PLEKHG1: variants seen among roughly 807,000 people sequenced by gnomAD.
PLEKHG1 encodes the protein pleckstrin homology and RhoGEF domain containing G1, also known as pleckstrin homology domain-containing family G member 1.
PLEKHG1 carries 44 observed loss-of-function variants against 100.8 expected under a neutral mutation model. The observed-to-expected ratio is 0.44, with a 90% CI of 0.34 to 0.56. The LOEUF is 0.56. Among genes scored for constraint, PLEKHG1 ranks in the 20% least tolerant of loss-of-function variants. The pLI, the probability that PLEKHG1 is intolerant of heterozygous loss-of-function variation, is 0.01. For synonymous variants in PLEKHG1, 640 were observed against 662.5 expected (o/e 0.97, Z 0.52); for missense variants, 1,545 against 1,720.9 (o/e 0.90, Z 1.81).
chr6:150,772,345 A>G (rs1668656919), intron 3 of PLEKHG1, among the ~76,000 whole-genome samples: 1 of 152,218 alleles, frequency 6.6e-6, no homozygotes, highest in Non-Finnish European at 1.5e-5. Flanking sequence ...TACTATATAT[A>G]CAAGTATTTA....
intron 1 of PLEKHG1, among the ~76,000 whole-genome samples, chr6:150,635,946 CTA>C (rs2128564474): frequency 6.6e-6 from 1 of 152,194 alleles, no homozygotes; most frequent in South Asian, 2.1e-4. Flanking sequence ...GAAAGCAGGA[CTA>C]TGGGCTTTTT....
At chr6:150,755,413 T>TG (rs949434131) in intron 2 of PLEKHG1, among the ~76,000 whole-genome samples, 2 of 152,046 alleles carry the variant, frequency 1.3e-5, no homozygotes, top group African/African-American at 4.8e-5. Flanking sequence ...CAGAGAATGG[T>TG]GGGGGGATAA....
At position 150,779,344 on chromosome 6, in the gene PLEKHG1, G is replaced by GTTTGTTTGTTTTT. The variant is rs1257363893; in HGVS notation, c.513-7043_513-7042insGTTTGTTTTTTTT. Among the ~76,000 whole-genome samples the GTTTGTTTGTTTTT allele has an allele frequency of 4.9e-3, 515 of 104,482 alleles. 29 individuals are homozygous for GTTTGTTTGTTTTT. The highest frequency in any genetic ancestry group is 0.021 in the African/African-American group (487 of 23,176). 68.5% of individuals were successfully genotyped at this position (104,482 alleles called of 152,430 possible). On this transcript the variant is annotated intron_variant, in intron 3 of 15. Transcript: ENST00000358517. Reference sequence around the variant, plus strand: ...ACAGGGGGTTAAATATTGTCAAGAAGTTTTTTTTTTTTTTTTTTTGAGACA... The same window carrying GTTTGTTTGTTTTT: ...ACAGGGGGTTAAATATTGTCAAGAAGTTTGTTTGTTTTTTTTTTTTTTTTTTTTTTTTGAGACA...
intron 1 of PLEKHG1, among the ~76,000 whole-genome samples, chr6:150,611,827 A>AAAAAG (rs1776843350): frequency 6.7e-6 from 1 of 148,834 alleles, no homozygotes; most frequent in Admixed American, 6.7e-5. Flanking sequence ...AAAAAAAAAA[A>AAAAAG]GAAAGAAAAT....
At chr6:150,694,382 A>G (rs1403141850) in intron 3 of PLEKHG1, among the ~76,000 whole-genome samples, 1 of 152,194 alleles carries the variant, frequency 6.6e-6, no homozygotes, top group Non-Finnish European at 1.5e-5. Flanking sequence ...GCTTTCAATG[A>G]ATTAATTTAA....
chr6:150,767,189 C>T (rs1784492913), intron 2 of PLEKHG1, among the ~76,000 whole-genome samples: 13 of 152,136 alleles, frequency 8.5e-5, no homozygotes, highest in Admixed American at 8.5e-4. Flanking sequence ...TCTTTCAATT[C>T]TGGCCTCCAT....
At chr6:150,761,097 T>C (rs577755319) in intron 2 of PLEKHG1, among the ~76,000 whole-genome samples, 1 of 138,602 alleles carries the variant, frequency 7.2e-6, no homozygotes, top group Non-Finnish European at 1.5e-5. Flanking sequence ...CTTTCTTTTT[T>C]TCTTTTTTTT....
At chr6:150,622,134 A>G (rs1386084110) in intron 1 of PLEKHG1, among the ~76,000 whole-genome samples, 1 of 152,176 alleles carries the variant, frequency 6.6e-6, no homozygotes, top group Non-Finnish European at 1.5e-5. Flanking sequence ...AAGGGAGCAG[A>G]GAGCTGAATG....
intron 3 of PLEKHG1, among the ~76,000 whole-genome samples, chr6:150,783,451 T>C (rs1583122144): frequency 6.6e-6 from 1 of 151,512 alleles, no homozygotes; most frequent in African/African-American, 2.4e-5. Context: ...CTCACTGCAA[T>C]CTCTGCCTCC....
At chr6:150,773,992 A>G (rs1043265038) in intron 3 of PLEKHG1, among the ~76,000 whole-genome samples, 2 of 152,090 alleles carry the variant, frequency 1.3e-5, no homozygotes, top group Non-Finnish European at 2.9e-5. Context: ...CATTTTCTCT[A>G]TTGTTTAAAT....
chr6:150,622,612 C>A (rs1349793140), intron 1 of PLEKHG1, among the ~76,000 whole-genome samples: 3 of 152,172 alleles, frequency 2.0e-5, no homozygotes, highest in African/African-American at 7.2e-5. Flanking sequence ...CAGCCTCCCC[C>A]TCCCAGTGTA....
chr6:150,779,327 T>C (rs1298549506), intron 3 of PLEKHG1, among the ~76,000 whole-genome samples: 3 of 140,068 alleles, frequency 2.1e-5, no homozygotes, highest in Non-Finnish European at 4.5e-5. Flanking sequence ...ACACAGGGGG[T>C]TAAATATTGT....
At chr6:150,632,944 A>C (rs1034127202) in intron 1 of PLEKHG1, 3 of 152,160 alleles carry the variant, frequency 2.0e-5, no homozygotes, top group Admixed American at 6.5e-5. Flanking sequence ...AACTTAGCTG[A>C]TATTTTGCTA....
chr6:150,832,114 G>A (rs770578981), exon 15 of PLEKHG1: 11 of 1,614,000 alleles, frequency 6.8e-6, no homozygotes, highest in East Asian at 2.2e-5. Context: ...GTCTGGAGCT[G>A]GAGCAGCCGC....
intron 3 of PLEKHG1, among the ~76,000 whole-genome samples, chr6:150,695,103 C>G (rs1780493039): frequency 6.6e-6 from 1 of 152,116 alleles, no homozygotes; most frequent in Non-Finnish European, 1.5e-5. Context: ...CATGTGAACC[C>G]TGTTTTTTCA....
At chr6:150,668,877 A>G (rs1779491209) in intron 3 of PLEKHG1, among the ~76,000 whole-genome samples, 1 of 152,156 alleles carries the variant, frequency 6.6e-6, no homozygotes, top group Non-Finnish European at 1.5e-5. Flanking sequence ...ACAAAACAAG[A>G]TTTGTCTTAT....
chr6:150,745,512 G>A lies in PLEKHG1; in HGVS notation c.411+11420G>A, dbSNP rs144631027. ...AGCCTGGCCACCATGGTGAAACCCC[G>A]GCTCTACTAAAAATACAAAAATTAG... On this transcript the variant is annotated intron_variant, in intron 2 of 15. Transcript: ENST00000358517. 8.2e-3 allele frequency among the ~76,000 whole-genome samples: 1,247 copies of A among 152,028 alleles called. 19 individuals carry two copies. Among genetic ancestry groups the A allele is most frequent in the African/African-American group, 0.029 (1,188 of 41,490 alleles).
chr6:150,610,026 C>T (rs1776756151), intron 1 of PLEKHG1, among the ~76,000 whole-genome samples: 1 of 152,188 alleles, frequency 6.6e-6, no homozygotes, highest in Admixed American at 6.5e-5. Flanking sequence ...CTCCCCTCAC[C>T]ACAAGCACCT....
At position 150,830,675 on chromosome 6, in the gene PLEKHG1, G is replaced by A. The variant is rs185585663; in HGVS notation, c.1564G>A (p.Val522Met). 76 of 1,614,136 alleles carry A rather than the reference G, an allele frequency of 4.7e-5. No individual in the cohort carries two copies. Among genetic ancestry groups the A allele is most frequent in the Admixed American group, 2.0e-4 (12 of 60,026 alleles). Residue 522 changes from valine (V) to methionine (M), a missense_variant, in exon 15 of 16, where the codon GTG becomes ATG. Physicochemically the swap from Val to Met is conservative, Grantham distance 21 (BLOSUM62 1). Coordinates refer to ENST00000358517, the Ensembl canonical transcript of PLEKHG1. ...GCCTAGCAGTTCTACCATGATCAGC[G>A]TGCTTCGAGCGGGTGGAGCTCTCAG...
Sources: allele counts gnomAD v4.1 joint callset (sites outside exome capture counted in the v4.1 genomes callset), GRCh38; gene constraint gnomAD v4.1.1; transcripts MANE v1.5; gene names NCBI Gene and HGNC (gene_info 2026-07-23, HGNC 2026-07-21).